The following SMCR8 variants were observed in gnomAD, a reference collection of about 807,000 sequenced individuals.
SMCR8 encodes the protein SMCR8-C9orf72 complex subunit, also known as guanine nucleotide exchange protein SMCR8.
A neutral mutation model predicts 56.6 loss-of-function variants in SMCR8; 30 were observed. The ratio of observed to expected loss-of-function variants is 0.53; its 90% CI spans 0.40 to 0.72. The LOEUF (loss-of-function observed/expected upper bound fraction) is 0.72. Ranked by LOEUF, SMCR8 falls within the 30% of genes least tolerant of loss-of-function variation. The pLI is 0.00. For missense variants in SMCR8, 1,198 were observed against 1,157.0 expected (o/e 1.04, Z -0.51); for synonymous variants, 538 against 456.0 (o/e 1.18, Z -2.29).
At chr17:18,318,182 G>T in intron 1 of SMCR8, 33 bp downstream of exon 1, 1 of 1,584,674 alleles carries the variant, frequency 6.3e-7, no homozygotes, top group Non-Finnish European at 8.6e-7. Context: ...GAAGGGCCTT[G>T]GCCAGATAGG....
In SMCR8 at chr17:18,327,808, A is replaced by G. The variant is rs1202860928; in HGVS notation, c.*4738A>G. 1 of 152,582 alleles carries G rather than the reference A, an allele frequency of 6.6e-6. No individual in the cohort carries two copies. Among genetic ancestry groups the G allele is most frequent in the Non-Finnish European group, 1.5e-5 (1 of 68,034 alleles). The allele number at this position is 152,582 out of a possible 1,614,324, so 9.5% of individuals were successfully genotyped here. A position where few individuals can be genotyped will look rare whatever the true frequency, so the allele number is the denominator to read the frequency against. ...GTGCAGCTGGCGCGTGTGTGATAGC[A>G]TCTCGTAGGTGTTGCTGCACAAGAG... On this transcript the variant is annotated 3_prime_UTR_variant, in exon 2 of 2. Coordinates refer to ENST00000406438, the MANE Select transcript of SMCR8 (RefSeq NM_144775.3).
At chr17:18,318,728 C>T (rs1982409726) in intron 1 of SMCR8, among the ~76,000 whole-genome samples, 1 of 152,146 alleles carries the variant, frequency 6.6e-6, no homozygotes, top group African/African-American at 2.4e-5. Context: ...ATCATGGATT[C>T]CTGAGTCACA....
rs1563632 is a variant in SMCR8, at chr17:18,317,456, G to A, written c.1667G>A (p.Arg556His). The A allele has an allele frequency of 0.67, 1,081,607 of 1,613,832 alleles. 365,419 individuals are homozygous for A. The highest frequency in any genetic ancestry group is 0.86 in the African/African-American group (64,407 of 74,976). Residue 556 changes from arginine (R) to histidine (H), a missense_variant, in exon 1 of 2, where the codon CGC (arginine) becomes CAC (histidine). By Grantham distance (29) the Arg-to-His change is conservative. Transcript: ENST00000406438. ...CCAGATGGCAATGAAGGAGCCATCCGCTTCCAGGCAAGCATCAGTCCTCCA... is the reference window on the plus strand; with the variant it reads ...CCAGATGGCAATGAAGGAGCCATCCACTTCCAGGCAAGCATCAGTCCTCCA... ...SYPDGNEGAI[R>H]FQASISPPEL... is the part of the protein sequence containing the mutation.
chr17:18,318,079 G>A lies in SMCR8; in HGVS notation c.2290G>A (p.Val764Met), dbSNP rs1982387146. 2.5e-6 allele frequency: 4 copies of A among 1,614,230 alleles called. No individual in the cohort carries two copies. The highest frequency in any genetic ancestry group is 1.7e-6 in the Non-Finnish European group (2 of 1,180,036). Residue 764 changes from valine to methionine, a missense_variant, in exon 1 of 2, where the codon GTG becomes ATG. Coordinates refer to ENST00000406438, the MANE Select transcript of SMCR8 (RefSeq NM_144775.3). ...VPSYGCYAKPVKHWASSPLHI... is the reference protein window; with the variant it reads ...VPSYGCYAKPMKHWASSPLHI... ...CAGCTATGGCTGCTACGCTAAGCCC[G>A]TGAAACATTGGGCCTCCTCCCCTTT...
At position 18,316,694 on chromosome 17, in the gene SMCR8, A is replaced by G; in HGVS notation, c.905A>G (p.Tyr302Cys). 1.2e-6 allele frequency: 2 copies of G among 1,614,212 alleles called. No homozygotes were observed. Among genetic ancestry groups the G allele is most frequent in the Non-Finnish European group, 1.7e-6 (2 of 1,180,038 alleles). Residue 302 changes from tyrosine to cysteine, a missense_variant, in exon 1 of 2, where the codon TAC becomes TGC. Transcript: ENST00000406438. ...DTDLYTCRPA[Y>C]TPKLIKAKST... ...GACCTTTACACCTGCAGACCAGCCTACACCCCAAAACTTATCAAAGCAAAG... is the reference window on the plus strand; with the variant it reads ...GACCTTTACACCTGCAGACCAGCCTGCACCCCAAAACTTATCAAAGCAAAG...
At chr17:18,321,110 A>G (rs1982484262) in intron 1 of SMCR8, among the ~76,000 whole-genome samples, 1 of 152,244 alleles carries the variant, frequency 6.6e-6, no homozygotes, top group Non-Finnish European at 1.5e-5. Flanking sequence ...TTAAATATAC[A>G]AGAAGATAAA....
chr17:18,316,452 C>G lies in SMCR8; in HGVS notation c.663C>G (p.Asp221Glu). The stretch of plus-strand genomic sequence containing the variant: ...CGGAGATCCAGAAGAAAGCCAACGA[C>G]AAAGGCTTTTACTCATCTCAGGCAA... Reference protein sequence around the residue: ...TETEIQKKANDKGFYSSQAIE... With the variant: ...TETEIQKKANEKGFYSSQAIE... Residue 221 changes from aspartate to glutamate, a missense_variant, in exon 1 of 2, where the codon GAC becomes GAG. By Grantham distance (45) the Asp-to-Glu change is conservative. Transcript: ENST00000406438. The G allele has an allele frequency of 6.2e-7, 1 of 1,614,164 alleles. No individual in the cohort carries two copies. Among genetic ancestry groups the G allele is most frequent in the African/African-American group, 1.3e-5 (1 of 75,034 alleles).
rs1307112267 is a variant in SMCR8, at chr17:18,324,352, T to C, written c.*1282T>C. ...GTTCCGCCAGCACCTATCCCACTGA[T>C]AGTGATCCCCTGGCCTCCCCGAGCC... On this transcript the variant is annotated 3_prime_UTR_variant, in exon 2 of 2. Transcript: ENST00000406438. 1.3e-5 allele frequency: 2 copies of C among 152,274 alleles called. No homozygotes were observed. Among genetic ancestry groups the C allele is most frequent in the East Asian group, 3.8e-4 (2 of 5,206 alleles). 9.4% of individuals were successfully genotyped at this position (152,274 alleles called of 1,614,324 possible).
chr17:18,315,875 A>G lies in SMCR8; in HGVS notation c.86A>G (p.Glu29Gly). ...EPYNEPALPEEYSVPLFPFAS... is the reference protein window; with the variant it reads ...EPYNEPALPEGYSVPLFPFAS... ...TACAATGAGCCGGCCCTGCCTGAGG[A>G]GTACTCGGTGCCGCTCTTCCCCTTC... The change falls in exon 1 of 2, where the codon GAG becomes GGG. Residue 29 changes from glutamate to glycine, a missense_variant. Coordinates refer to ENST00000406438, the MANE Select transcript of SMCR8 (RefSeq NM_144775.3). 6.2e-7 allele frequency: 1 copy of G among 1,614,106 alleles called. No homozygotes were observed. The highest frequency in any genetic ancestry group is 8.5e-7 in the Non-Finnish European group (1 of 1,180,008).
rs774326867 is a variant in SMCR8, at chr17:18,318,114, G to A, written c.2325G>A (p.Met775Ile). Residue 775 changes from methionine (M) to isoleucine (I), a missense_variant, in exon 1 of 2, where the codon ATG becomes ATA. Coordinates refer to ENST00000406438, the MANE Select transcript of SMCR8 (RefSeq NM_144775.3). ...GGGCCTCCTCCCCTTTGCACATTAT[G>A]GATTTTCAGAAGTGGAAGCTTATTG... is the stretch of plus-strand genomic sequence containing the variant. ...KHWASSPLHI[M>I]DFQKWKLIGL... 3.1e-6 allele frequency: 5 copies of A among 1,613,372 alleles called. No individual in the cohort carries two copies. Among genetic ancestry groups the A allele is most frequent in the Non-Finnish European group, 4.2e-6 (5 of 1,179,342 alleles).
In SMCR8 at chr17:18,323,215, T is replaced by C; in HGVS notation, c.*145T>C. ...GTTCCCACGTGGCTCCTAGTAGTTT[T>C]TAAGTTGGACATGGGCAGAAGTGGA... On this transcript the variant is annotated 3_prime_UTR_variant, in exon 2 of 2. Coordinates refer to ENST00000406438, the MANE Select transcript of SMCR8 (RefSeq NM_144775.3). The C allele has an allele frequency of 1.4e-6, 1 of 711,674 alleles. No homozygotes were observed. The highest frequency in any genetic ancestry group is 2.3e-6 in the Non-Finnish European group (1 of 434,188). The allele number at this position is 711,674 out of a possible 1,614,324, so 44.1% of individuals were successfully genotyped here. A position where few individuals can be genotyped will look rare whatever the true frequency, so the allele number is the denominator to read the frequency against.
chr17:18,316,601 T>C lies in SMCR8; in HGVS notation c.812T>C (p.Met271Thr). The C allele has an allele frequency of 6.2e-7, 1 of 1,614,204 alleles. No individual in the cohort carries two copies. Among genetic ancestry groups the C allele is most frequent in the Non-Finnish European group, 8.5e-7 (1 of 1,180,034 alleles). ...LKGHDLCPGE[M>T]EHIQDQASQA... ...GGGCATGATTTGTGTCCTGGTGAGA[T>C]GGAGCACATCCAGGATCAGGCCAGC... The change falls in exon 1 of 2, where the codon ATG (methionine) becomes ACG (threonine). Residue 271 changes from methionine to threonine, a missense_variant. Transcript: ENST00000406438.
chr17:18,320,834 G>C (rs117944596), intron 1 of SMCR8, among the ~76,000 whole-genome samples: 2,857 of 152,272 alleles, frequency 0.019, 41 homozygotes, highest in Middle Eastern at 0.037. Flanking sequence ...GCCGTGGTCT[G>C]CCACACCCTC....
rs746834493 is a variant in SMCR8 at position 18,316,094 on chromosome 17, C to T, written c.305C>T (p.Ser102Phe). Residue 102 changes from serine (S) to phenylalanine (F), a missense_variant, in exon 1 of 2, where the codon TCC becomes TTC. Ser to Phe is a radical substitution (Grantham distance 155). Transcript: ENST00000406438. ...LRIMSVDYQA[S>F]FVGHPPGSAY... ...ATCATGTCTGTGGATTACCAGGCTTCCTTCGTGGGCCATCCTCCTGGATCT... is the reference window on the plus strand; with the variant it reads ...ATCATGTCTGTGGATTACCAGGCTTTCTTCGTGGGCCATCCTCCTGGATCT... 2.5e-6 allele frequency: 4 copies of T among 1,614,032 alleles called. No homozygotes were observed. The African/African-American group carries it at 5.3e-5, about 22-fold the overall frequency.
intron 1 of SMCR8, among the ~76,000 whole-genome samples, chr17:18,319,575 C>T (rs574905867): frequency 6.6e-6 from 1 of 152,344 alleles, no homozygotes; most frequent in Non-Finnish European, 1.5e-5. Context: ...ACTCTCACCT[C>T]CGAACACCAG....
chr17:18,316,959 C>G lies in SMCR8; in HGVS notation c.1170C>G (p.Pro390=), dbSNP rs2142993449. 1 of 1,614,170 alleles carries G rather than the reference C, an allele frequency of 6.2e-7. No individual in the cohort carries two copies. Among genetic ancestry groups the G allele is most frequent in the Non-Finnish European group, 8.5e-7 (1 of 1,180,030 alleles). ...TGGTGGAGAAACAAGAAAGCATACC[C>G]TCTAAGCCCAGTCAAGACAGGCCGC... ...DRMVEKQESI[P]SKPSQDRPPS... is the part of the protein sequence containing the mutation. The change falls in exon 1 of 2, where the codon CCC becomes CCG. Residue 390 remains proline, a synonymous_variant. Coordinates refer to ENST00000406438, the MANE Select transcript of SMCR8 (RefSeq NM_144775.3).
In SMCR8 at chr17:18,316,783, A is replaced by G. The variant is rs1982311072; in HGVS notation, c.994A>G (p.Thr332Ala). The stretch of plus-strand genomic sequence containing the variant: ...GGAGCTCTGTGACACTGAATATTTC[A>G]CCCAGACCCTGGCTCAGCTCAGCCA... ...LEELCDTEYF[T>A]QTLAQLSHIE... The change falls in exon 1 of 2, where the codon ACC (threonine) becomes GCC (alanine). Residue 332 changes from threonine to alanine, a missense_variant. Transcript: ENST00000406438. 1.2e-6 allele frequency: 2 copies of G among 1,614,206 alleles called. No homozygotes were observed. The highest frequency in any genetic ancestry group is 1.7e-6 in the Non-Finnish European group (2 of 1,180,042).
Position 18,327,978 on chromosome 17 carries a change from TTTGA to T in SMCR8, c.*4912_*4915del, listed in dbSNP as rs1357046800. ...CTTGTAGACATTCTGTGGTTAAAAA[TTTGA>T]TTGTGCTTATTAAAAATGGTCATCT... On this transcript the variant is annotated 3_prime_UTR_variant, in exon 2 of 2. Transcript: ENST00000406438. 1.3e-5 allele frequency: 2 copies of T among 152,688 alleles called. No individual in the cohort carries two copies. Among genetic ancestry groups the T allele is most frequent in the African/African-American group, 2.4e-5 (1 of 41,476 alleles). The allele number at this position is 152,688 out of a possible 1,614,324, so 9.5% of individuals were successfully genotyped here.
intron 1 of SMCR8, among the ~76,000 whole-genome samples, chr17:18,319,874 T>C (rs1430489330): frequency 6.6e-6 from 1 of 152,098 alleles, no homozygotes; most frequent in Non-Finnish European, 1.5e-5. Context: ...GCGTGCGCCA[T>C]CATGCCAGGC....
Sources: allele counts gnomAD v4.1 joint callset (sites outside exome capture counted in the v4.1 genomes callset), GRCh38; gene constraint gnomAD v4.1.1; transcripts MANE v1.5; gene names NCBI Gene and HGNC (gene_info 2026-07-23, HGNC 2026-07-21).